Variants in SLC4A3 observed in about 807,000 individuals in gnomAD.
SLC4A3 encodes solute carrier family 4 member 3, also known as anion exchange protein 3.
A neutral mutation model predicts 114.2 loss-of-function variants in SLC4A3; 47 were observed. The observed-to-expected ratio is 0.41, with a 90% CI of 0.33 to 0.52. The LOEUF is 0.52. SLC4A3 is among the 20% of genes least tolerant of loss of function. The pLI is 0.21. For missense variants in SLC4A3, 1,312 were observed against 1,668.3 expected (o/e 0.79, Z 3.72); for synonymous variants, 693 against 710.3 (o/e 0.98, Z 0.39).
chr2:219,641,671 AC>A lies in SLC4A3; in HGVS notation c.3644del (p.Pro1215GlnfsTer21). ...LQALDSEDAE[P>X]NFDEDGQDEY... ...TGCAGCTGGACTCGGAAGATGCTGA[AC>A]CAAACTTCGATGAGGATGGCCAGGA... is the stretch of plus-strand genomic sequence containing the variant. On this transcript the variant is annotated frameshift_variant, in exon 23 of 23. Transcript: ENST00000358055. LOFTEE classifies it high-confidence loss of function. The surrounding 1 kb of genome is among the most constrained non-coding windows in gnomAD (Gnocchi z 4.0). 6.2e-7 allele frequency: 1 copy of A among 1,614,050 alleles called. No homozygotes were observed. The highest frequency in any genetic ancestry group is 8.5e-7 in the Non-Finnish European group (1 of 1,179,964).
At position 219,632,513 on chromosome 2, in the gene SLC4A3, G is replaced by A. The variant is rs952819597; in HGVS notation, c.1141+71G>A. The A allele has an allele frequency of 1.4e-5, 20 of 1,462,400 alleles. 1 individual carries two copies. Among genetic ancestry groups the A allele is most frequent in the Non-Finnish European group, 1.6e-5 (17 of 1,094,748 alleles). 90.6% of individuals were successfully genotyped at this position (1,462,400 alleles called of 1,614,324 possible). A position where few individuals can be genotyped will look rare whatever the true frequency, so the allele number is the denominator to read the frequency against. Reference sequence around the variant, plus strand: ...CTGTGCCAGGCTGCTCAGTTCCCAGGAACACTCTCTAGAGTCCTGGGCACA... The same window carrying A: ...CTGTGCCAGGCTGCTCAGTTCCCAGAAACACTCTCTAGAGTCCTGGGCACA... On this transcript the variant is annotated intron_variant, in intron 8 of 22. Coordinates refer to ENST00000358055, the MANE Select transcript of SLC4A3 (RefSeq NM_005070.4).
Position 219,641,329 on chromosome 2 carries a change from T to C in SLC4A3, c.3622-322T>C, listed in dbSNP as rs1351338144. On this transcript the variant is annotated intron_variant, in intron 22 of 22. Transcript: ENST00000358055. The surrounding 1 kb of genome is among the most constrained non-coding windows in gnomAD (Gnocchi z 4.0). ...CACCCTGAGCCCTGTTTTTGTCAAC[T>C]AGAGGAAAAGACATCTTTTTGCAAT... 6.6e-6 allele frequency among the ~76,000 whole-genome samples: 1 copy of C among 152,146 alleles called. No individual in the cohort carries two copies. Among genetic ancestry groups the C allele is most frequent in the Non-Finnish European group, 1.5e-5 (1 of 68,030 alleles).
Position 219,632,885 on chromosome 2 carries a change from C to T in SLC4A3, c.1153C>T (p.Leu385=). 1 of 1,614,182 alleles carries T rather than the reference C, an allele frequency of 6.2e-7. No homozygotes were observed. The highest frequency in any genetic ancestry group is 2.2e-5 in the East Asian group (1 of 44,860). The change falls in exon 9 of 23, where the codon CTG becomes TTG. Residue 385 remains leucine (L), a synonymous_variant. Coordinates refer to ENST00000358055, the MANE Select transcript of SLC4A3 (RefSeq NM_005070.4). ...RRTIAHGAAL[L]DLEQTTLPGI... ...GACTGTCCCCCTAGGAGCTGCCCTC[C>T]TGGACCTGGAGCAAACCACCCTGCC...
Position 219,636,314 on chromosome 2 carries a change from A to G in SLC4A3, c.2204A>G (p.Glu735Gly). The G allele has an allele frequency of 6.2e-7, 1 of 1,613,670 alleles. No individual in the cohort carries two copies. The highest frequency in any genetic ancestry group is 8.5e-7 in the Non-Finnish European group (1 of 1,179,924). Residue 735 changes from glutamate (E) to glycine (G), a missense_variant, in exon 15 of 23, where the codon GAG (glutamate) becomes GGG (glycine). Around this residue, in one of 4 missense-constraint regions of SLC4A3, gnomAD observed 771 missense variants for 977.7 expected, o/e 0.79. Transcript: ENST00000358055. This position sits in a 1 kb window ranked among gnomAD's most constrained non-coding sequence, Gnocchi z 5.5. Reference sequence around the variant, plus strand: ...CGTGCTATGGCAGGAGAGAAGACCGAGGGGCTGATGGGCGTGTCCGAGCTG... The same window carrying G: ...CGTGCTATGGCAGGAGAGAAGACCGGGGGGCTGATGGGCGTGTCCGAGCTG... ...TFGGLLGEKT[E>G]GLMGVSELIV... is the part of the protein sequence containing the mutation.
chr2:219,638,741 C>G lies in SLC4A3; in HGVS notation c.2895C>G (p.Pro965=). 3 of 1,614,126 alleles carry G rather than the reference C, an allele frequency of 1.9e-6. No homozygotes were observed. Among genetic ancestry groups the G allele is most frequent in the Non-Finnish European group, 2.5e-6 (3 of 1,180,008 alleles). Residue 965 remains proline (P), a synonymous_variant, in exon 19 of 23, where the codon CCC becomes CCG. Coordinates refer to ENST00000358055, the MANE Select transcript of SLC4A3 (RefSeq NM_005070.4). The surrounding 1 kb of genome is among the most constrained non-coding windows in gnomAD (Gnocchi z 7.5). ...CTACAGGGCTCTCAGTGACCTCTCC[C>G]GATAAGCGCTCGTGGTTCATCCCAC... is the stretch of plus-strand genomic sequence containing the variant. ...TVPTGLSVTS[P]DKRSWFIPPL... is the part of the protein sequence containing the mutation.
In SLC4A3 at chr2:219,631,092, G is replaced by A; in HGVS notation, c.811+740G>A. The stretch of plus-strand genomic sequence containing the variant: ...TGGGGGCTGGATGCCGCAGGGAGCA[G>A]GCTTGTGGACTTGGGGAGTTGGGGT... On this transcript the variant is annotated intron_variant, in intron 6 of 22. Coordinates refer to ENST00000358055, the MANE Select transcript of SLC4A3 (RefSeq NM_005070.4). The surrounding 1 kb of genome is among the most constrained non-coding windows in gnomAD (Gnocchi z 6.3). 8.7e-7 allele frequency: 1 copy of A among 1,151,926 alleles called. No homozygotes were observed. The highest frequency in any genetic ancestry group is 1.8e-5 in the South Asian group (1 of 55,568). 71.4% of individuals were successfully genotyped at this position (1,151,926 alleles called of 1,614,324 possible). A position where few individuals can be genotyped will look rare whatever the true frequency, so the allele number is the denominator to read the frequency against.
Position 219,634,457 on chromosome 2 carries a change from C to G in SLC4A3, c.1599C>G (p.Phe533Leu), listed in dbSNP as rs759324622. 6.2e-7 allele frequency: 1 copy of G among 1,614,034 alleles called. No homozygotes were observed. Among genetic ancestry groups the G allele is most frequent in the South Asian group, 1.1e-5 (1 of 91,084 alleles). ...VPFLEQPAAA[F>L]VRLNEAVLLE... Reference sequence around the variant, plus strand: ...TCTTGGAGCAGCCTGCAGCAGCCTTCGTGCGTCTGAATGAGGCTGTACTCC... The same window carrying G: ...TCTTGGAGCAGCCTGCAGCAGCCTTGGTGCGTCTGAATGAGGCTGTACTCC... The change falls in exon 12 of 23, where the codon TTC becomes TTG. Residue 533 changes from phenylalanine (F) to leucine (L), a missense_variant. Coordinates refer to ENST00000358055, the MANE Select transcript of SLC4A3 (RefSeq NM_005070.4).
rs1228248163 is a variant in SLC4A3 at position 219,628,807 on chromosome 2, G to A, written c.217+237G>A. 3.3e-6 allele frequency: 2 copies of A among 598,342 alleles called. No individual in the cohort carries two copies. Among genetic ancestry groups the A allele is most frequent in the Non-Finnish European group, 5.8e-6 (2 of 345,936 alleles). 37.1% of individuals were successfully genotyped at this position (598,342 alleles called of 1,614,324 possible). A position where few individuals can be genotyped will look rare whatever the true frequency, so the allele number is the denominator to read the frequency against. ...GGGGAGATCTAGGGAGCTGGGCCTG[G>A]GCCCTTCCACGGTGACCTTCCCCTT... On this transcript the variant is annotated intron_variant, in intron 3 of 22. Transcript: ENST00000358055. This position sits in a 1 kb window ranked among gnomAD's most constrained non-coding sequence, Gnocchi z 4.8.
rs1699181672 is a variant in SLC4A3 at position 219,637,819 on chromosome 2, G to A, written c.2766+8G>A. 2 of 1,604,256 alleles carry A rather than the reference G, an allele frequency of 1.2e-6. No homozygotes were observed. Among genetic ancestry groups the A allele is most frequent in the Non-Finnish European group, 1.7e-6 (2 of 1,171,128 alleles). The stretch of plus-strand genomic sequence containing the variant: ...CGCTTCCTGGGGGGCAAGGTGCGTG[G>A]CTGCTGGGTGTGGAGCCCCCAAGAG... On this transcript the variant is annotated splice_region_variant and intron_variant, in intron 17 of 22. Transcript: ENST00000358055. This position sits in a 1 kb window ranked among gnomAD's most constrained non-coding sequence, Gnocchi z 4.6.
chr2:219,635,450 C>T lies in SLC4A3; in HGVS notation c.1926C>T (p.Thr642=), dbSNP rs748076063. Residue 642 remains threonine (T), a synonymous_variant, in exon 13 of 23, where the codon ACC becomes ACT. Coordinates refer to ENST00000358055, the MANE Select transcript of SLC4A3 (RefSeq NM_005070.4). ...GGAAGCGGCGAGAGCGTGAACAGAC[C>T]AAAGTCGAGATGACCACACGGGGTG... ...LLRKRREREQ[T]KVEMTTRGGY... is the part of the protein sequence containing the mutation. The T allele has an allele frequency of 6.2e-7, 1 of 1,613,988 alleles. No homozygotes were observed. The highest frequency in any genetic ancestry group is 2.2e-5 in the East Asian group (1 of 44,864).
Position 219,628,017 on chromosome 2 carries a change from C to A in SLC4A3, c.25C>A (p.Pro9Thr). The stretch of plus-strand genomic sequence containing the variant: ...CATGGCCAACGGAGTGATCCCGCCG[C>A]CCGGGGGCGCCTCCCCCCTACCCCA... MANGVIPP[P>T]GGASPLPQVR... The change falls in exon 2 of 23, where the codon CCC (proline) becomes ACC (threonine). Residue 9 changes from proline (P) to threonine (T), a missense_variant. By Grantham distance (38) the Pro-to-Thr change is conservative (BLOSUM62 -1). Around this residue, in one of 4 missense-constraint regions of SLC4A3, gnomAD observed 236 missense variants for 212.1 expected, o/e 1.11. Transcript: ENST00000358055. This position sits in a 1 kb window ranked among gnomAD's most constrained non-coding sequence, Gnocchi z 4.8. 6.3e-7 allele frequency: 1 copy of A among 1,589,774 alleles called. No homozygotes were observed. Among genetic ancestry groups the A allele is most frequent in the Non-Finnish European group, 8.5e-7 (1 of 1,170,452 alleles).
chr2:219,632,821 A>AT lies in SLC4A3; in HGVS notation c.1142-48dup, dbSNP rs1171499143. The AT allele has an allele frequency of 1.2e-5, 19 of 1,603,148 alleles. No individual in the cohort carries two copies. The South Asian group carries it at 1.8e-4, about 15-fold the overall frequency. ...GGGGGGCAAGGCAGAGTGGGAGGAG[A>AT]TTTTTCCTGTCTGATGGGACTGTGC... On this transcript the variant is annotated intron_variant, in intron 8 of 22. Coordinates refer to ENST00000358055, the MANE Select transcript of SLC4A3 (RefSeq NM_005070.4).
chr2:219,638,813 C>T lies in SLC4A3; in HGVS notation c.2967C>T (p.Ala989=), dbSNP rs142834384. The T allele has an allele frequency of 1.5e-4, 236 of 1,614,184 alleles. No individual in the cohort carries two copies. The highest frequency in any genetic ancestry group is 5.7e-4 in the African/African-American group (43 of 75,054). Residue 989 remains alanine, a synonymous_variant, in exon 19 of 23, where the codon GCC becomes GCT. Transcript: ENST00000358055. This position sits in a 1 kb window ranked among gnomAD's most constrained non-coding sequence, Gnocchi z 7.5. ...TCCCGCCGTGGATGATGGTGGCAGC[C>T]GCTGTTCCCGCCCTCCTCGTCCTCA... is the stretch of plus-strand genomic sequence containing the variant. The part of the protein sequence containing the change: ...RPFPPWMMVA[A]AVPALLVLIL...
At position 219,639,683 on chromosome 2, in the gene SLC4A3, C is replaced by A; in HGVS notation, c.3225C>A (p.Ile1075=). 6.2e-7 allele frequency: 1 copy of A among 1,612,394 alleles called. No homozygotes were observed. Among genetic ancestry groups the A allele is most frequent in the Non-Finnish European group, 8.5e-7 (1 of 1,180,016 alleles). The change falls in exon 20 of 23, where the codon ATC becomes ATA. Residue 1075 remains isoleucine (I), a synonymous_variant. Coordinates refer to ENST00000358055, the MANE Select transcript of SLC4A3 (RefSeq NM_005070.4). This position sits in a 1 kb window ranked among gnomAD's most constrained non-coding sequence, Gnocchi z 5.9. ...TCGCGCCTGGTGACAAGCCCCAGATCCAGGAGGTGCGGGAGCAGCGGGTCA... is the reference window on the plus strand; with the variant it reads ...TCGCGCCTGGTGACAAGCCCCAGATACAGGAGGTGCGGGAGCAGCGGGTCA... The part of the protein sequence containing the change: ...TAIAPGDKPQ[I]QEVREQRVTG...
At position 219,629,604 on chromosome 2, in the gene SLC4A3, G is replaced by A. The variant is rs1366076502; in HGVS notation, c.520G>A (p.Asp174Asn). The A allele has an allele frequency of 6.2e-7, 1 of 1,613,258 alleles. No homozygotes were observed. The highest frequency in any genetic ancestry group is 1.7e-5 in the Admixed American group (1 of 60,018). The change falls in exon 5 of 23, where the codon GAC (aspartate) becomes AAC (asparagine). Residue 174 changes from aspartate to asparagine, a missense_variant. By Grantham distance (23) the Asp-to-Asn change is conservative. Coordinates refer to ENST00000358055, the MANE Select transcript of SLC4A3 (RefSeq NM_005070.4). ...GTTCTCCATTGGAAGTGACGAGGAT[G>A]ACAGTCCAGGCCTCCCTGGGAGGGC... is the stretch of plus-strand genomic sequence containing the variant. The part of the protein sequence containing the change: ...AKFSIGSDED[D>N]SPGLPGRAAV...
chr2:219,641,606 C>G lies in SLC4A3; in HGVS notation c.3622-45C>G, dbSNP rs749920022. Reference sequence around the variant, plus strand: ...GGAGGAGCTGGAGAATGGGAGGGGACGAGCATGCTTCCCTGCCTTCCCCAA... The same window carrying G: ...GGAGGAGCTGGAGAATGGGAGGGGAGGAGCATGCTTCCCTGCCTTCCCCAA... On this transcript the variant is annotated intron_variant, in intron 22 of 22. Transcript: ENST00000358055. The surrounding 1 kb of genome is among the most constrained non-coding windows in gnomAD (Gnocchi z 4.0). 6.7e-7 allele frequency: 1 copy of G among 1,484,732 alleles called. No homozygotes were observed. Among genetic ancestry groups the G allele is most frequent in the South Asian group, 1.1e-5 (1 of 87,888 alleles). 92.0% of individuals were successfully genotyped at this position (1,484,732 alleles called of 1,614,324 possible).
At position 219,636,899 on chromosome 2, in the gene SLC4A3, G is replaced by T. The variant is rs781058111; in HGVS notation, c.2535+25G>T. ...GGTGGAGGTCCAGCGAGGTCTTGGG[G>T]GTGGCAGAGATGGAGGTGGACATTG... is the stretch of plus-strand genomic sequence containing the variant. On this transcript the variant is annotated intron_variant, in intron 16 of 22. Transcript: ENST00000358055. The surrounding 1 kb of genome is among the most constrained non-coding windows in gnomAD (Gnocchi z 5.5). The T allele has an allele frequency of 8.8e-6, 14 of 1,595,250 alleles. No individual in the cohort carries two copies. Among genetic ancestry groups the T allele is most frequent in the Middle Eastern group, 1.7e-4 (1 of 5,992 alleles).
chr2:219,636,319 C>T lies in SLC4A3; in HGVS notation c.2209C>T (p.Leu737=), dbSNP rs1420916125. The T allele has an allele frequency of 6.2e-7, 1 of 1,613,780 alleles. No homozygotes were observed. The highest frequency in any genetic ancestry group is 1.1e-5 in the South Asian group (1 of 91,088). ...TATGGCAGGAGAGAAGACCGAGGGG[C>T]TGATGGGCGTGTCCGAGCTGATCGT... The part of the protein sequence containing the change: ...GGLLGEKTEG[L]MGVSELIVST... The change falls in exon 15 of 23, where the codon CTG becomes TTG. Residue 737 remains leucine (L), a synonymous_variant. Coordinates refer to ENST00000358055, the MANE Select transcript of SLC4A3 (RefSeq NM_005070.4). The surrounding 1 kb of genome is among the most constrained non-coding windows in gnomAD (Gnocchi z 5.5).
rs143522561 is a variant in SLC4A3 at position 219,638,519 on chromosome 2, C to G, written c.2857-184C>G. On this transcript the variant is annotated intron_variant, in intron 18 of 22. Coordinates refer to ENST00000358055, the MANE Select transcript of SLC4A3 (RefSeq NM_005070.4). This position sits in a 1 kb window ranked among gnomAD's most constrained non-coding sequence, Gnocchi z 7.5. Reference sequence around the variant, plus strand: ...CTCAGGGAGGAGGCGCTTCATTTCCCTGCCCTCTATTGGATCCTTGAAAGG... The same window carrying G: ...CTCAGGGAGGAGGCGCTTCATTTCCGTGCCCTCTATTGGATCCTTGAAAGG... 0.011 allele frequency among the ~76,000 whole-genome samples: 1,686 copies of G among 152,292 alleles called. 13 individuals are homozygous for G. The highest frequency in any genetic ancestry group is 0.02 in the Middle Eastern group (6 of 294).
Sources: gnomAD v4.1 joint callset for allele counts (sites outside exome capture counted in the v4.1 genomes callset) on GRCh38, gnomAD v4.1.1 for gene constraint, gnomAD v4.1.1 regional missense constraint, Gnocchi (gnomAD v3.1) non-coding constraint, MANE v1.5 for transcripts, NCBI Gene and HGNC (gene_info 2026-07-23, HGNC 2026-07-21) for gene names.